Variants in DPY19L2 observed in about 807,000 individuals in gnomAD.
DPY19L2 encodes the protein dpy-19 like 2.
DPY19L2 carries 34 observed loss-of-function variants against 97.9 expected under a neutral mutation model. The observed-to-expected ratio is 0.35, with a 90% CI of 0.26 to 0.46. The LOEUF (loss-of-function observed/expected upper bound fraction) is 0.46. Among genes scored for constraint, DPY19L2 ranks in the 20% least tolerant of loss-of-function variants. The probability of loss-of-function intolerance (pLI) is 1.00; values close to 1 mark genes in which losing one functional copy is unlikely to be tolerated. For missense variants in DPY19L2, 623 were observed against 911.4 expected, an observed-to-expected ratio of 0.68 and a Z score of 4.07; for synonymous variants, 230 against 307.9, an observed-to-expected ratio of 0.75 and a Z score of 2.65.
intron 11 of DPY19L2, among the ~76,000 whole-genome samples, chr12:63,612,167 A>G (rs1887116344): frequency 6.6e-6 from 1 of 152,072 alleles, no homozygotes; most frequent in African/African-American, 2.4e-5. Flanking sequence ...TTAACCTGCA[A>G]TTCTACACCC....
intron 5 of DPY19L2, among the ~76,000 whole-genome samples, chr12:63,646,395 T>C (rs528573186): frequency 7.1e-4 from 108 of 152,156 alleles, no homozygotes; most frequent in African/African-American, 2.3e-3. Context: ...AAAAGTATAA[T>C]TGCCCCTCAA....
At chr12:63,575,347 A>T (rs2137317558) in intron 19 of DPY19L2, among the ~76,000 whole-genome samples, 1 of 152,056 alleles carries the variant, frequency 6.6e-6, no homozygotes. Context: ...TATAGCTGTA[A>T]GTGCCCACAT....
rs962113035 is a variant in DPY19L2, at chr12:63,588,601, AT to A, written c.1581-4766del. 5.0e-4 allele frequency among the ~76,000 whole-genome samples: 76 copies of A among 152,134 alleles called. 1 individual carries two copies. The highest frequency in any genetic ancestry group is 1.8e-3 in the African/African-American group (75 of 41,530). Reference sequence around the variant, plus strand: ...AAAAATATATAATAATCCCCAAAATATTTTTAAAGCCATTTTTAAAAAATTT... The same window carrying A: ...AAAAATATATAATAATCCCCAAAATATTTTAAAGCCATTTTTAAAAAATTT... On this transcript the variant is annotated intron_variant, in intron 16 of 21. Transcript: ENST00000324472.
chr12:63,579,071 G>A (rs1592416576), intron 19 of DPY19L2, among the ~76,000 whole-genome samples: 2 of 152,218 alleles, frequency 1.3e-5, no homozygotes, highest in South Asian at 2.1e-4. Flanking sequence ...TATGGCAGAC[G>A]GAGAGGAAGA....
intron 11 of DPY19L2, among the ~76,000 whole-genome samples, chr12:63,609,856 G>T (rs1244033842): frequency 6.6e-6 from 1 of 152,126 alleles, no homozygotes; most frequent in African/African-American, 2.4e-5. Flanking sequence ...GTATCATTTA[G>T]TTGGTGTAGA....
chr12:63,619,957 CT>C (rs1565779478), intron 9 of DPY19L2: 1 of 455,870 alleles, frequency 2.2e-6, no homozygotes, highest in East Asian at 7.0e-5. Context: ...AAGGGGCCAA[CT>C]TTTATGAAGT....
rs774615899 is a variant in DPY19L2 at position 63,668,365 on chromosome 12, C to T, written c.29G>A (p.Arg10Gln). 6.8e-6 allele frequency: 11 copies of T among 1,613,168 alleles called. No individual in the cohort carries two copies. Among genetic ancestry groups the T allele is most frequent in the Non-Finnish European group, 9.3e-6 (11 of 1,179,792 alleles). Residue 10 changes from arginine to glutamine, a missense_variant, in exon 1 of 22, where the codon CGG (arginine) becomes CAG (glutamine). By Grantham distance (43) the Arg-to-Gln change is conservative (BLOSUM62 1). Transcript: ENST00000324472. ...CTGGCTGCGGCCGGAAGATTGCAGC[C>T]GCTTTGAGCTTACTCCTTGTTTTCT... MRKQGVSSK[R>Q]LQSSGRSQSK...
intron 16 of DPY19L2, among the ~76,000 whole-genome samples, chr12:63,592,045 G>C (rs1172328543): frequency 1.0e-4 from 4 of 39,714 alleles, no homozygotes; most frequent in African/African-American, 4.1e-4. Flanking sequence ...GGAGGGGAGG[G>C]AACGGAAGGG....
intron 21 of DPY19L2, among the ~76,000 whole-genome samples, chr12:63,561,581 T>G (rs1565684953): frequency 6.6e-6 from 1 of 151,862 alleles, no homozygotes; most frequent in Non-Finnish European, 1.5e-5. Context: ...TGAGCTGTAG[T>G]TCCTACAACT....
At position 63,636,852 on chromosome 12, in the gene DPY19L2, C is replaced by T. The variant is rs183158695; in HGVS notation, c.803+7551G>A. Among the ~76,000 whole-genome samples the T allele has an allele frequency of 2.0e-4, 31 of 152,240 alleles. No individual in the cohort carries two copies. The East Asian group carries it at 6.0e-3, about 29-fold the overall frequency. On this transcript the variant is annotated intron_variant, in intron 6 of 21. Transcript: ENST00000324472. ...ATAATAATGGGAGACTTTAACACCACGCTGTCAACATTGGACAGATCAACG... is the reference window on the plus strand; with the variant it reads ...ATAATAATGGGAGACTTTAACACCATGCTGTCAACATTGGACAGATCAACG...
At chr12:63,632,491 A>G (rs1235771260) in intron 6 of DPY19L2, among the ~76,000 whole-genome samples, 4 of 152,198 alleles carry the variant, frequency 2.6e-5, no homozygotes, top group Non-Finnish European at 5.9e-5. Flanking sequence ...TAAAGTACCT[A>G]GGAATCCAAC....
chr12:63,600,911 G>C (rs1417760314), intron 12 of DPY19L2, among the ~76,000 whole-genome samples: 1 of 151,194 alleles, frequency 6.6e-6, no homozygotes. Context: ...TCAGCCTCCC[G>C]AGTAGCTGGG....
chr12:63,666,692 A>C (rs1896380989), intron 1 of DPY19L2: 1 of 175,140 alleles, frequency 5.7e-6, no homozygotes, highest in African/African-American at 2.4e-5. Flanking sequence ...TTAATTTCCA[A>C]AGTTTTGAAG....
At chr12:63,574,984 T>C (rs1299613575) in intron 19 of DPY19L2, among the ~76,000 whole-genome samples, 2 of 151,990 alleles carry the variant, frequency 1.3e-5, no homozygotes, top group Admixed American at 6.6e-5. Context: ...ACAGAACATT[T>C]CATCCAACAT....
At chr12:63,592,333 C>T (rs1565729581) in intron 16 of DPY19L2, among the ~76,000 whole-genome samples, 1 of 150,892 alleles carries the variant, frequency 6.6e-6, no homozygotes, top group Non-Finnish European at 1.5e-5. Flanking sequence ...ATCACCAAGT[C>T]AATCCTAAGC....
At chr12:63,568,874 A>G (rs895210271) in intron 21 of DPY19L2, among the ~76,000 whole-genome samples, 3 of 152,022 alleles carry the variant, frequency 2.0e-5, no homozygotes, top group African/African-American at 7.2e-5. Flanking sequence ...AATATAATTC[A>G]GCTATAATAC....
At chr12:63,649,215 G>A (rs61936123) in intron 4 of DPY19L2, among the ~76,000 whole-genome samples, 1,595 of 152,148 alleles carry the variant, frequency 0.01, 18 homozygotes, top group Middle Eastern at 0.027. Context: ...CTAAATGCCC[G>A]CTTCAAAGTT....
At chr12:63,570,362 C>A (rs1878571627) in intron 20 of DPY19L2, among the ~76,000 whole-genome samples, 1 of 152,106 alleles carries the variant, frequency 6.6e-6, no homozygotes, top group African/African-American at 2.4e-5. Context: ...ATCTAGAAAT[C>A]ATTTCTTAAA....
intron 17 of DPY19L2, 140 bp from the exon 18 acceptor site, chr12:63,582,665 A>G: frequency 1.1e-6 from 1 of 943,588 alleles, no homozygotes; most frequent in African/African-American, 1.7e-5. Context: ...TTCAGCAATA[A>G]TTTATCGAAT....
Sources: allele counts gnomAD v4.1 joint callset (sites outside exome capture counted in the v4.1 genomes callset), GRCh38; gene constraint gnomAD v4.1.1; transcripts MANE v1.5; gene names NCBI Gene and HGNC (gene_info 2026-07-23, HGNC 2026-07-21).